The following GDE1 variants were observed in gnomAD, a reference collection of about 807,000 sequenced individuals.
GDE1 encodes RGS16-interacting membrane protein.
In GDE1, 24 loss-of-function variants were observed where a neutral mutation model predicts 32.2. That is an observed-to-expected ratio of 0.75 (90% CI 0.54 to 1.05). The LOEUF is 1.05. Ranked by LOEUF, GDE1 falls within the 50% of genes least tolerant of loss-of-function variation. GDE1 has a pLI of 0.00. For synonymous variants in GDE1, 159 were observed against 158.6 expected (o/e 1.00, Z -0.02); for missense variants, 380 against 415.0 (o/e 0.92, Z 0.73).
At chr16:19,511,553 C>A (rs1969319010) in intron 2 of GDE1, among the ~76,000 whole-genome samples, 1 of 152,108 alleles carries the variant, frequency 6.6e-6, no homozygotes, top group Non-Finnish European at 1.5e-5. Flanking sequence ...TTTATCATTT[C>A]TTTGTGTTAG....
intron 1 of GDE1, among the ~76,000 whole-genome samples, chr16:19,520,276 C>T (rs1239315320): frequency 1.5e-4 from 23 of 151,944 alleles, no homozygotes; most frequent in Admixed American, 1.4e-3. Flanking sequence ...GTGGCTCATG[C>T]CTGTAATCGC....
At chr16:19,518,253 A>G (rs1021651443) in intron 1 of GDE1, among the ~76,000 whole-genome samples, 1 of 152,194 alleles carries the variant, frequency 6.6e-6, no homozygotes, top group Non-Finnish European at 1.5e-5. Context: ...CATCTACAGT[A>G]AAAAAGATTT....
At chr16:19,512,970 A>AGTGTGTGTGTGTGTGTGTGTGTGT (rs1969338015) in intron 2 of GDE1, among the ~76,000 whole-genome samples, 1 of 63,034 alleles carries the variant, frequency 1.6e-5, no homozygotes, top group South Asian at 6.2e-4. Context: ...TGTGTGTGTC[A>AGTGTGTGTGTGTGTGTGTGTGTGT]GTATTTATAC....
rs767017831 is a variant in GDE1, at chr16:19,505,011, G to A, written c.718C>T (p.Arg240Cys). 1.1e-5 allele frequency: 18 copies of A among 1,612,156 alleles called. No homozygotes were observed. The Middle Eastern group carries it at 6.6e-4, about 59-fold the overall frequency. The change falls in exon 5 of 6, where the codon CGC (arginine) becomes TGC (cysteine). Residue 240 changes from arginine to cysteine, a missense_variant. Arg to Cys is a radical substitution (Grantham distance 180, BLOSUM62 -3). Coordinates refer to ENST00000353258, the MANE Select transcript of GDE1 (RefSeq NM_016641.4). ...SLSHTGDGKP[R>C]YDTFWKHFIF... ...AAATGTTTCCAGAAAGTATCATAGCGTGGTTTCCCATCTCCTGTATGGCTT... is the reference window on the plus strand; with the variant it reads ...AAATGTTTCCAGAAAGTATCATAGCATGGTTTCCCATCTCCTGTATGGCTT...
chr16:19,510,842 G>C lies in GDE1; in HGVS notation c.540C>G (p.His180Gln). 3 of 1,507,884 alleles carry C rather than the reference G, an allele frequency of 2.0e-6. No homozygotes were observed. The highest frequency in any genetic ancestry group is 2.7e-6 in the Non-Finnish European group (3 of 1,100,498). The allele number at this position is 1,507,884 out of a possible 1,614,324, so 93.4% of individuals were successfully genotyped here. Residue 180 changes from histidine to glutamine, a missense_variant, in exon 3 of 6, where the codon CAC (histidine) becomes CAG (glutamine). Coordinates refer to ENST00000353258, the MANE Select transcript of GDE1 (RefSeq NM_016641.4). ...TIFFDVKGHA[H>Q]KATEALKKMY... is the part of the protein sequence containing the mutation. The stretch of plus-strand genomic sequence containing the variant: ...AAGTCCACAATTTAAACTGTACCTT[G>C]TGTGCATGGCCTTTGACATCAAAGA...
intron 4 of GDE1, 66 bp downstream of exon 4, chr16:19,507,621 A>G (rs1567336112): frequency 4.9e-6 from 4 of 818,336 alleles, no homozygotes; most frequent in Non-Finnish European, 8.7e-6. Context: ...TCCTGTGCTT[A>G]CGCAGCCCAT....
intron 2 of GDE1, among the ~76,000 whole-genome samples, chr16:19,514,603 G>A (rs1381056415): frequency 6.6e-6 from 1 of 152,104 alleles, no homozygotes; most frequent in African/African-American, 2.4e-5. Flanking sequence ...TTATTTAAGT[G>A]CAACTGTTTA....
chr16:19,517,048 T>C lies in GDE1; in HGVS notation c.403A>G (p.Arg135Gly). ...RLCDLTFEQI[R>G]KLNPAANHRL... Reference sequence around the variant, plus strand: ...TGGTTTGCTGCAGGATTCAGCTTCCTAATTTGTTCAAATGTCAAATCACAC... The same window carrying C: ...TGGTTTGCTGCAGGATTCAGCTTCCCAATTTGTTCAAATGTCAAATCACAC... Residue 135 changes from arginine (R) to glycine (G), a missense_variant, in exon 2 of 6, where the codon AGG becomes GGG. Coordinates refer to ENST00000353258, the MANE Select transcript of GDE1 (RefSeq NM_016641.4). The C allele has an allele frequency of 8.1e-6, 13 of 1,614,216 alleles. No homozygotes were observed. Among genetic ancestry groups the C allele is most frequent in the Non-Finnish European group, 1.1e-5 (13 of 1,180,018 alleles).
intron 2 of GDE1, among the ~76,000 whole-genome samples, chr16:19,511,292 C>T (rs1225215131): frequency 1.3e-5 from 2 of 151,980 alleles, no homozygotes; most frequent in South Asian, 2.1e-4. Flanking sequence ...TTAGTAGAGG[C>T]GGGGTTTCAC....
intron 2 of GDE1, among the ~76,000 whole-genome samples, chr16:19,514,060 A>G (rs1314760178): frequency 1.3e-5 from 2 of 152,042 alleles, no homozygotes; most frequent in East Asian, 3.9e-4. Context: ...CTTATATTGT[A>G]TAATGGATGT....
chr16:19,521,038 A>G (rs1372219404), intron 1 of GDE1, among the ~76,000 whole-genome samples: 1 of 152,168 alleles, frequency 6.6e-6, no homozygotes, highest in Admixed American at 6.5e-5. Flanking sequence ...AAGCAAACGT[A>G]TGTCTTGTGA....
chr16:19,506,464 A>G (rs1299489449), intron 4 of GDE1, among the ~76,000 whole-genome samples: 1 of 152,194 alleles, frequency 6.6e-6, no homozygotes, highest in Non-Finnish European at 1.5e-5. Context: ...AGCCTGGCCA[A>G]CATGGCAAAA....
intron 3 of GDE1, among the ~76,000 whole-genome samples, chr16:19,509,940 T>C (rs7197660): frequency 0.36 from 55,180 of 151,726 alleles, 11,578 homozygotes; most frequent in East Asian, 0.56. Context: ...TGTGAGCCAC[T>C]GCACCCGGCC....
At chr16:19,508,665 T>C (rs1969279052) in intron 3 of GDE1, among the ~76,000 whole-genome samples, 1 of 152,224 alleles carries the variant, frequency 6.6e-6, no homozygotes, top group Admixed American at 6.5e-5. Flanking sequence ...AGACATGCAC[T>C]GTAAACTCTT....
At chr16:19,508,139 C>CT (rs1969271801) in intron 3 of GDE1, among the ~76,000 whole-genome samples, 1 of 152,186 alleles carries the variant, frequency 6.6e-6, no homozygotes, top group Non-Finnish European at 1.5e-5. Flanking sequence ...ACCCACAGCT[C>CT]TATCACTCTG....
chr16:19,511,103 A>ATT (rs200614293), intron 2 of GDE1, among the ~76,000 whole-genome samples, 159 bp from the exon 3 acceptor site: 9 of 143,426 alleles, frequency 6.3e-5, no homozygotes, highest in Admixed American at 2.1e-4. Context: ...TTACTTTAAG[A>ATT]TTTTTTTTTT....
chr16:19,521,753 C>T lies in GDE1; in HGVS notation c.212G>A (p.Arg71His), dbSNP rs1388901253. 6.2e-7 allele frequency: 1 copy of T among 1,611,920 alleles called. No individual in the cohort carries two copies. Among genetic ancestry groups the T allele is most frequent in the Admixed American group, 1.7e-5 (1 of 59,952 alleles). The change falls in exon 1 of 6, where the codon CGT becomes CAT. Residue 71 changes from arginine to histidine, a missense_variant. Coordinates refer to ENST00000353258, the MANE Select transcript of GDE1 (RefSeq NM_016641.4). ...CTCGGGCGCGTCGTGGCTGCCGCCA[C>T]GGTGGGCGATGGCAGAAATGCGGTC... The part of the protein sequence containing the change: ...PRDRISAIAH[R>H]GGSHDAPENT...
chr16:19,520,558 C>T (rs930096070), intron 1 of GDE1, among the ~76,000 whole-genome samples: 1 of 151,688 alleles, frequency 6.6e-6, no homozygotes, highest in African/African-American at 2.4e-5. Flanking sequence ...AACCCCATCT[C>T]TACTAAAAAT....
chr16:19,509,133 C>T (rs1227076423), intron 3 of GDE1, among the ~76,000 whole-genome samples: 1 of 152,208 alleles, frequency 6.6e-6, no homozygotes, highest in Non-Finnish European at 1.5e-5. Flanking sequence ...AAAACCCCAT[C>T]TCTACTAAAT....
Sources: allele counts gnomAD v4.1 joint callset (sites outside exome capture counted in the v4.1 genomes callset), GRCh38; gene constraint gnomAD v4.1.1; transcripts MANE v1.5; gene names NCBI Gene and HGNC (gene_info 2026-07-23, HGNC 2026-07-21).